The following LRP1B variants were observed in gnomAD, a reference collection of about 807,000 sequenced individuals.
LRP1B encodes the protein LDL receptor related protein 1B.
In LRP1B, 217 loss-of-function variants were observed where a neutral mutation model predicts 556.6. The observed-to-expected ratio is 0.39, with a 90% CI of 0.35 to 0.44. The LOEUF (loss-of-function observed/expected upper bound fraction) is 0.44, where lower values mean the gene tolerates loss of function less well. Ranked by LOEUF, LRP1B falls within the 20% of genes least tolerant of loss-of-function variation. The pLI, the probability that LRP1B is intolerant of heterozygous loss-of-function variation, is 1.00. For synonymous variants in LRP1B, 2,047 were observed against 1,865.8 expected (o/e 1.10, Z -2.50); for missense variants, 5,053 against 5,620.8 (o/e 0.90, Z 3.23).
At chr2:140,585,993 T>C (rs903654533) in intron 43 of LRP1B, among the ~76,000 whole-genome samples, 5 of 152,142 alleles carry the variant, frequency 3.3e-5, no homozygotes, top group African/African-American at 1.2e-4. Context: ...AGAACATAAA[T>C]CAGCTTAGAT....
chr2:141,821,041 G>A (rs902164163), intron 1 of LRP1B, among the ~76,000 whole-genome samples: 15 of 152,192 alleles, frequency 9.9e-5, no homozygotes, highest in Non-Finnish European at 1.8e-4. Flanking sequence ...AAGTAGATGA[G>A]CCAGGAAAGA....
At chr2:140,663,658 C>T (rs953077246) in intron 41 of LRP1B, among the ~76,000 whole-genome samples, 4 of 152,062 alleles carry the variant, frequency 2.6e-5, no homozygotes, top group African/African-American at 4.8e-5. Flanking sequence ...CCTTCTCTCC[C>T]GACCACTAAA....
At chr2:141,777,812 T>C (rs1695127087) in intron 2 of LRP1B, among the ~76,000 whole-genome samples, 1 of 152,192 alleles carries the variant, frequency 6.6e-6, no homozygotes, top group African/African-American at 2.4e-5. Context: ...CGCTTGACTA[T>C]TGAGGCTAAA....
intron 3 of LRP1B, among the ~76,000 whole-genome samples, chr2:141,329,878 A>G (rs1301183080): frequency 6.6e-6 from 1 of 152,180 alleles, no homozygotes; most frequent in Non-Finnish European, 1.5e-5. Flanking sequence ...AATATGCTGA[A>G]TAGAGAAACA....
At chr2:141,905,456 T>C (rs986438717) in intron 1 of LRP1B, among the ~76,000 whole-genome samples, 3 of 151,860 alleles carry the variant, frequency 2.0e-5, no homozygotes, top group Non-Finnish European at 2.9e-5. Context: ...CGAGGTTTTG[T>C]ACTTTTTTTT....
At chr2:141,389,197 G>T (rs1689956251) in intron 3 of LRP1B, among the ~76,000 whole-genome samples, 1 of 152,086 alleles carries the variant, frequency 6.6e-6, no homozygotes, top group Non-Finnish European at 1.5e-5. Context: ...GAACAAATTG[G>T]AGGACTCATG....
At chr2:141,605,933 G>T (rs148248150) in intron 2 of LRP1B, among the ~76,000 whole-genome samples, 151 of 147,196 alleles carry the variant, frequency 1.0e-3, no homozygotes, top group East Asian at 6.9e-3. Context: ...GTCCAATTAA[G>T]TATGATAAAA....
At chr2:141,972,212 C>A (rs1030891552) in intron 1 of LRP1B, among the ~76,000 whole-genome samples, 1 of 151,246 alleles carries the variant, frequency 6.6e-6, no homozygotes, top group Non-Finnish European at 1.5e-5. Flanking sequence ...ATGATTCCAC[C>A]AAGATGGTTG....
chr2:141,080,329 GC>G (rs1307409705), intron 7 of LRP1B, among the ~76,000 whole-genome samples: 1 of 152,090 alleles, frequency 6.6e-6, no homozygotes, highest in Non-Finnish European at 1.5e-5. Context: ...TATGTAGTTA[GC>G]AAAATCTTAC....
rs770048577 is a variant in LRP1B at position 140,325,744 on chromosome 2, C to T, written c.12340+18G>A. 3 of 1,520,414 alleles carry T rather than the reference C, an allele frequency of 2.0e-6. No homozygotes were observed. Among genetic ancestry groups the T allele is most frequent in the South Asian group, 2.3e-5 (2 of 87,168 alleles). 94.2% of individuals were successfully genotyped at this position (1,520,414 alleles called of 1,614,324 possible). A position where few individuals can be genotyped will look rare whatever the true frequency, so the allele number is the denominator to read the frequency against. ...TCTCAGTAACAATTAAAAATGAAGA[C>T]AAAAGCACTTCACAAACCTTGTTTG... On this transcript the variant is annotated intron_variant, in intron 80 of 90. Transcript: ENST00000389484.
chr2:140,779,219 A>G (rs1689603454), intron 32 of LRP1B, among the ~76,000 whole-genome samples: 1 of 152,142 alleles, frequency 6.6e-6, no homozygotes, highest in African/African-American at 2.4e-5. Flanking sequence ...AATCTTTTTT[A>G]AAAGTTTGGA....
chr2:141,312,209 C>T (rs1353656040), intron 3 of LRP1B, among the ~76,000 whole-genome samples: 1 of 152,174 alleles, frequency 6.6e-6, no homozygotes, highest in Non-Finnish European at 1.5e-5. Context: ...TCCTCTACCT[C>T]TATTTCCCCC....
chr2:141,413,452 G>C (rs926180515), intron 3 of LRP1B, among the ~76,000 whole-genome samples: 1 of 152,114 alleles, frequency 6.6e-6, no homozygotes, highest in Non-Finnish European at 1.5e-5. Flanking sequence ...AAAAAGGCAA[G>C]GAAACAGATT....
chr2:140,511,547 C>T (rs1689661306), intron 51 of LRP1B, among the ~76,000 whole-genome samples: 1 of 152,040 alleles, frequency 6.6e-6, no homozygotes, highest in Admixed American at 6.5e-5. Flanking sequence ...GTGATCCGCC[C>T]GCCTCGGTCT....
chr2:141,433,393 G>A (rs898670190), intron 3 of LRP1B, among the ~76,000 whole-genome samples: 1 of 152,004 alleles, frequency 6.6e-6, no homozygotes, highest in Non-Finnish European at 1.5e-5. Flanking sequence ...GTGTTCTATA[G>A]ATAATTGTTA....
rs376217393 is a variant in LRP1B at position 140,482,365 on chromosome 2, C to T, written c.9425+2978G>A. Among the ~76,000 whole-genome samples, 6 of 152,114 alleles carry T rather than the reference C, an allele frequency of 3.9e-5. No individual in the cohort carries two copies. The East Asian group carries it at 5.8e-4, about 15-fold the overall frequency. On this transcript the variant is annotated intron_variant, in intron 59 of 90. Transcript: ENST00000389484. ...TTGTTATGATTAACTAAAGTGACAC[C>T]TTAATTATACAAAAAGATAAAATTT...
chr2:141,770,351 G>T (rs980339972), intron 2 of LRP1B, among the ~76,000 whole-genome samples: 11 of 152,084 alleles, frequency 7.2e-5, no homozygotes, highest in African/African-American at 2.7e-4. Context: ...TAATCTAAGA[G>T]AATTGGACAT....
chr2:140,578,556 C>T (rs1400979835), intron 43 of LRP1B, among the ~76,000 whole-genome samples: 2 of 152,146 alleles, frequency 1.3e-5, no homozygotes, highest in Non-Finnish European at 2.9e-5. Flanking sequence ...ATGCCATTCC[C>T]CAAAATACCC....
chr2:140,701,963 G>A, intron 39 of LRP1B, 118 bp from the exon 40 acceptor site: 1 of 1,373,348 alleles, frequency 7.3e-7, no homozygotes, highest in Non-Finnish European at 1.0e-6. Flanking sequence ...ACTTTAGTCT[G>A]TGACATTGAA....
Sources: gnomAD v4.1 joint callset for allele counts (sites outside exome capture counted in the v4.1 genomes callset) on GRCh38, gnomAD v4.1.1 for gene constraint, MANE v1.5 for transcripts, NCBI Gene and HGNC (gene_info 2026-07-23, HGNC 2026-07-21) for gene names.